The following DLG2 variants were observed in gnomAD, a reference collection of about 807,000 sequenced individuals.
The protein encoded by DLG2 is discs large MAGUK scaffold protein 2.
A neutral mutation model predicts 132.5 loss-of-function variants in DLG2; 45 were observed. The observed-to-expected ratio is 0.34, with a 90% CI of 0.27 to 0.44. DLG2 has a LOEUF of 0.44. Among genes scored for constraint, DLG2 ranks in the 20% least tolerant of loss-of-function variants. The pLI, the probability that DLG2 is intolerant of heterozygous loss-of-function variation, is 1.00. For missense variants in DLG2, 1,045 were observed against 1,196.9 expected, an observed-to-expected ratio of 0.87 and a Z score of 1.87; for synonymous variants, 424 against 419.6, an observed-to-expected ratio of 1.01 and a Z score of -0.13.
At chr11:84,671,967 T>C in intron 6 of DLG2, among the ~76,000 whole-genome samples, 1 of 152,174 alleles carries the variant, frequency 6.6e-6, no homozygotes, top group East Asian at 1.9e-4. Flanking sequence ...GACTTAAGAC[T>C]ATATAAGTAT....
intron 3 of DLG2, among the ~76,000 whole-genome samples, chr11:85,580,269 T>G (rs935079838): frequency 6.6e-6 from 1 of 152,190 alleles, no homozygotes; most frequent in African/African-American, 2.4e-5. Flanking sequence ...AACGGACTAA[T>G]ACAGGGCCAC....
At position 84,013,869 on chromosome 11, in the gene DLG2, A is replaced by G. The variant is rs2095029815; in HGVS notation, c.920-33227T>C. 7.6e-4 allele frequency among the ~76,000 whole-genome samples: 4 copies of G among 5,242 alleles called. No individual in the cohort carries two copies. In the South Asian group the frequency reaches 0.024, roughly 31 times the overall value. The allele number at this position is 5,242 out of a possible 152,430, so 3.4% of individuals were successfully genotyped here. ...GTGACAGAGTGGGACTGCGTCTCAA[A>G]AAAAAAAAAAAAAAAAAAAAAGCTC... On this transcript the variant is annotated intron_variant, in intron 11 of 27. Coordinates refer to ENST00000376104, the MANE Select transcript of DLG2 (RefSeq NM_001142699.3).
chr11:85,506,794 T>C (rs1003548396), intron 3 of DLG2, among the ~76,000 whole-genome samples: 1 of 152,216 alleles, frequency 6.6e-6, no homozygotes, highest in African/African-American at 2.4e-5. Context: ...GTCTCGTTGA[T>C]CTGTCTAATG....
At chr11:84,156,698 A>T (rs1321795126) in intron 9 of DLG2, among the ~76,000 whole-genome samples, 1 of 152,250 alleles carries the variant, frequency 6.6e-6, no homozygotes, top group Non-Finnish European at 1.5e-5. Context: ...CCAAAACAAA[A>T]TGACTTATAG....
intron 19 of DLG2, chr11:83,631,556 T>C (rs1241690784): frequency 6.6e-6 from 1 of 152,134 alleles, no homozygotes; most frequent in Non-Finnish European, 1.5e-5. Context: ...TTTTAGAGAA[T>C]AAAGATCTGA....
chr11:83,730,617 A>C (rs560429881), intron 18 of DLG2, among the ~76,000 whole-genome samples: 1 of 152,314 alleles, frequency 6.6e-6, no homozygotes, highest in African/African-American at 2.4e-5. Context: ...CAGCCTGGTC[A>C]TGGTACCAGG....
At chr11:84,763,893 CTG>C (rs2068014066) in intron 6 of DLG2, among the ~76,000 whole-genome samples, 1 of 151,996 alleles carries the variant, frequency 6.6e-6, no homozygotes, top group South Asian at 2.1e-4. Flanking sequence ...ATTTAAGAAA[CTG>C]TGTTTGTTGG....
intron 9 of DLG2, among the ~76,000 whole-genome samples, chr11:84,105,329 A>T (rs2092827205): frequency 6.6e-6 from 1 of 152,100 alleles, no homozygotes. Flanking sequence ...TTGAAACTAG[A>T]CTTTGAGTCT....
intron 8 of DLG2, among the ~76,000 whole-genome samples, chr11:84,233,977 G>T (rs2097127708): frequency 6.6e-6 from 1 of 152,144 alleles, no homozygotes; most frequent in Non-Finnish European, 1.5e-5. Flanking sequence ...AAGATCTTAG[G>T]AGCTGGCAGA....
chr11:83,787,011 C>T (rs540678247), intron 17 of DLG2, among the ~76,000 whole-genome samples: 13 of 152,140 alleles, frequency 8.5e-5, no homozygotes, highest in East Asian at 5.8e-4. Context: ...ATGGTCTGAC[C>T]GGGTTGGAAA....
chr11:84,333,658 A>G (rs2098471142), intron 7 of DLG2, among the ~76,000 whole-genome samples: 2 of 152,254 alleles, frequency 1.3e-5, no homozygotes, highest in Non-Finnish European at 2.9e-5. Flanking sequence ...ACAATAAAAC[A>G]GCTTTGTCTC....
At chr11:84,451,207 T>C (rs1467871546) in intron 7 of DLG2, among the ~76,000 whole-genome samples, 1 of 151,878 alleles carries the variant, frequency 6.6e-6, no homozygotes, top group East Asian at 1.9e-4. Context: ...TTTCTTCCCT[T>C]GTCTCTTCAA....
chr11:84,799,666 G>C (rs1203780890), intron 6 of DLG2, among the ~76,000 whole-genome samples: 1 of 152,042 alleles, frequency 6.6e-6, no homozygotes, highest in Non-Finnish European at 1.5e-5. Flanking sequence ...AGATAATTTT[G>C]AGACTCTCTT....
At chr11:84,019,455 A>T (rs952386533) in intron 11 of DLG2, among the ~76,000 whole-genome samples, 3 of 152,300 alleles carry the variant, frequency 2.0e-5, no homozygotes, top group Middle Eastern at 3.4e-3. Flanking sequence ...ATGAATTTTG[A>T]ATGTTTCCCT....
chr11:85,207,093 T>C (rs753998175), intron 4 of DLG2, among the ~76,000 whole-genome samples: 1 of 152,200 alleles, frequency 6.6e-6, no homozygotes, highest in Non-Finnish European at 1.5e-5. Context: ...ATCAGCAATA[T>C]AGTATATAGT....
At chr11:84,512,636 A>G (rs1591279248) in intron 7 of DLG2, among the ~76,000 whole-genome samples, 1 of 152,154 alleles carries the variant, frequency 6.6e-6, no homozygotes, top group Admixed American at 6.6e-5. Context: ...AAATACACAA[A>G]TAACATATAA....
chr11:83,784,334 G>A (rs1242132834), intron 18 of DLG2, among the ~76,000 whole-genome samples: 1 of 152,020 alleles, frequency 6.6e-6, no homozygotes, highest in Non-Finnish European at 1.5e-5. Context: ...CTTTTTCATT[G>A]AAAACTGCAG....
intron 6 of DLG2, among the ~76,000 whole-genome samples, chr11:85,000,787 C>A (rs1451150719): frequency 6.6e-6 from 1 of 152,078 alleles, no homozygotes; most frequent in African/African-American, 2.4e-5. Flanking sequence ...ATTGCTTCAC[C>A]AATATGGCTC....
chr11:83,473,503 G>T (rs1216358623), intron 22 of DLG2, among the ~76,000 whole-genome samples: 2 of 152,018 alleles, frequency 1.3e-5, no homozygotes, highest in African/African-American at 4.8e-5. Flanking sequence ...AAGTAAATTG[G>T]TTTTTGCCAT....
Sources: allele counts gnomAD v4.1 joint callset (sites outside exome capture counted in the v4.1 genomes callset), GRCh38; gene constraint gnomAD v4.1.1; transcripts MANE v1.5; gene names NCBI Gene and HGNC (gene_info 2026-07-23, HGNC 2026-07-21).